Variants in TMEM101 observed in about 807,000 individuals in gnomAD.
The protein encoded by TMEM101 is transmembrane protein 101.
TMEM101 carries 14 observed loss-of-function variants against 26.0 expected under a neutral mutation model. That is an observed-to-expected ratio of 0.54 (90% CI 0.36 to 0.84). The LOEUF (loss-of-function observed/expected upper bound fraction) is 0.84, where lower values mean the gene tolerates loss of function less well. Ranked by LOEUF, TMEM101 falls within the 40% of genes least tolerant of loss-of-function variation. The pLI is 0.01. For missense variants in TMEM101, 292 were observed against 345.1 expected, an observed-to-expected ratio of 0.85 and a Z score of 1.22; for synonymous variants, 152 against 145.1, an observed-to-expected ratio of 1.05 and a Z score of -0.34.
At chr17:44,022,906 A>T (rs1056168917) in intron 1 of TMEM101, 2 of 157,224 alleles carry the variant, frequency 1.3e-5, no homozygotes, top group Non-Finnish European at 2.8e-5. Flanking sequence ...AACTAGCTTT[A>T]TCCCATGTAA....
upstream of TMEM101, among the ~76,000 whole-genome samples, chr17:44,017,719 C>T (rs1344552966): frequency 4.0e-5 from 6 of 150,398 alleles, no homozygotes; most frequent in African/African-American, 9.8e-5. Context: ...GCCAAGTTCG[C>T]GCCATTGCAC....
upstream of TMEM101, among the ~76,000 whole-genome samples, chr17:44,015,358 T>C (rs762200061): frequency 4.0e-5 from 6 of 151,564 alleles, no homozygotes; most frequent in South Asian, 4.2e-4. Flanking sequence ...TAATTACACC[T>C]ACCTCAGAGT....
rs2049208525 is a variant in TMEM101 at position 44,014,802 on chromosome 17, G to A, written c.137+14C>T. The A allele has an allele frequency of 6.4e-7, 1 of 1,560,690 alleles. No homozygotes were observed. Among genetic ancestry groups the A allele is most frequent in the Non-Finnish European group, 8.7e-7 (1 of 1,150,454 alleles). The stretch of plus-strand genomic sequence containing the variant: ...GCCCCCTGCCGCGTTTAGCGGCTGC[G>A]TAGGCCTGCTCACCGGCGTGCCTCA... On this transcript the variant is annotated intron_variant, in intron 1 of 3. Coordinates refer to ENST00000206380, the MANE Select transcript of TMEM101 (RefSeq NM_032376.4).
chr17:44,016,407 G>A (rs1309382157), upstream of TMEM101, among the ~76,000 whole-genome samples: 1 of 152,152 alleles, frequency 6.6e-6, no homozygotes, highest in Non-Finnish European at 1.5e-5. Context: ...CTAACCTCAA[G>A]CGATCCAACC....
At position 44,011,839 on chromosome 17, in the gene TMEM101, A is replaced by G; in HGVS notation, c.*89T>C. 1 of 1,348,318 alleles carries G rather than the reference A, an allele frequency of 7.4e-7. No homozygotes were observed. The highest frequency in any genetic ancestry group is 1.0e-6 in the Non-Finnish European group (1 of 988,138). 83.5% of individuals were successfully genotyped at this position (1,348,318 alleles called of 1,614,324 possible). ...AGATCAAACAAACAGACCAAAAAGCATAAATAAACAGCAGCTGGGCCAGCA... is the reference window on the plus strand; with the variant it reads ...AGATCAAACAAACAGACCAAAAAGCGTAAATAAACAGCAGCTGGGCCAGCA... On this transcript the variant is annotated 3_prime_UTR_variant, in exon 4 of 4. Coordinates refer to ENST00000206380, the MANE Select transcript of TMEM101 (RefSeq NM_032376.4).
Position 44,014,875 on chromosome 17 carries a change from G to A in TMEM101, c.78C>T (p.Cys26=). The A allele has an allele frequency of 6.2e-7, 1 of 1,613,978 alleles. No homozygotes were observed. The highest frequency in any genetic ancestry group is 8.5e-7 in the Non-Finnish European group (1 of 1,179,892). The change falls in exon 1 of 4, where the codon TGC becomes TGT. Residue 26 remains cysteine (C), a synonymous_variant. Transcript: ENST00000206380. Reference sequence around the variant, plus strand: ...GCTGGCTGAAGCAGCCCCAAAAGGGGCAGCGTGTGAGCAGCACCGAACCCA... The same window carrying A: ...GCTGGCTGAAGCAGCCCCAAAAGGGACAGCGTGTGAGCAGCACCGAACCCA... ...MQLGSVLLTR[C]PFWGCFSQLM...
upstream of TMEM101, among the ~76,000 whole-genome samples, chr17:44,017,436 C>CAAA (rs71160077): frequency 2.6e-4 from 39 of 150,416 alleles, 1 homozygote; most frequent in African/African-American, 7.6e-4. Flanking sequence ...ACTAAAAATA[C>CAAA]AAAAAAAATT....
intron 2 of TMEM101, chr17:44,021,307 A>T (rs1356961833): frequency 6.6e-6 from 1 of 152,338 alleles, no homozygotes; most frequent in East Asian, 1.9e-4. Flanking sequence ...ATCACTATCA[A>T]TTATAGCACC....
At chr17:44,017,023 C>T (rs1202185810), upstream of TMEM101, among the ~76,000 whole-genome samples, 3 of 151,778 alleles carry the variant, frequency 2.0e-5, no homozygotes, top group Admixed American at 6.6e-5. Context: ...CTACTCCGGG[C>T]GCCTGTAGTC....
intron 1 of TMEM101, chr17:44,023,004 G>A (rs1439488966): frequency 4.2e-6 from 1 of 235,478 alleles, no homozygotes; most frequent in African/African-American, 2.3e-5. Flanking sequence ...ATAGGAAGGG[G>A]AGAAGGGAAA....
At chr17:44,018,351 G>C (rs1472113875), upstream of TMEM101, among the ~76,000 whole-genome samples, 1 of 152,156 alleles carries the variant, frequency 6.6e-6, no homozygotes, top group African/African-American at 2.4e-5. Context: ...CACGAGAGAG[G>C]AACATATAGA....
At chr17:44,017,930 C>T (rs756010294), upstream of TMEM101, among the ~76,000 whole-genome samples, 14 of 151,994 alleles carry the variant, frequency 9.2e-5, no homozygotes, top group Non-Finnish European at 1.2e-4. Flanking sequence ...GCCAGAAGTT[C>T]GAGACCAGCC....
chr17:44,021,162 T>C (rs2049281009), intron 2 of TMEM101, among the ~76,000 whole-genome samples: 1 of 152,186 alleles, frequency 6.6e-6, no homozygotes, highest in East Asian at 1.9e-4. Flanking sequence ...CTATATGTTG[T>C]TTCTATTGGG....
At chr17:44,020,435 C>T (rs1165879595) in intron 2 of TMEM101, among the ~76,000 whole-genome samples, 1 of 152,158 alleles carries the variant, frequency 6.6e-6, no homozygotes, top group Non-Finnish European at 1.5e-5. Flanking sequence ...CAAGTGTTAT[C>T]CCGGGCCAGG....
upstream of TMEM101, chr17:44,015,237 A>G: frequency 3.4e-6 from 1 of 292,464 alleles, no homozygotes; most frequent in Non-Finnish European, 6.4e-6. Flanking sequence ...TGATGTATTG[A>G]AGCAAACTGG....
At chr17:44,017,903 C>T (rs532322526), upstream of TMEM101, among the ~76,000 whole-genome samples, 2 of 151,844 alleles carry the variant, frequency 1.3e-5, no homozygotes, top group African/African-American at 4.8e-5. Context: ...GGCAGAGGCA[C>T]GGGTGGATCA....
intron 1 of TMEM101, among the ~76,000 whole-genome samples, chr17:44,021,695 C>T (rs894462889): frequency 9.9e-5 from 15 of 152,206 alleles, no homozygotes; most frequent in African/African-American, 3.1e-4. Context: ...CAGCTGGCTG[C>T]TCCCACCACT....
chr17:44,013,294 G>A, intron 2 of TMEM101, 139 bp from the exon 3 acceptor site: 1 of 783,716 alleles, frequency 1.3e-6, no homozygotes, highest in Non-Finnish European at 1.8e-6. Flanking sequence ...TTGGTGGGCA[G>A]GTGCAACAGA....
chr17:44,014,346 G>A lies in TMEM101; in HGVS notation c.318+11C>T, dbSNP rs753572365. 2.7e-5 allele frequency: 41 copies of A among 1,544,124 alleles called. 1 individual carries two copies. The highest frequency in any genetic ancestry group is 3.5e-5 in the Non-Finnish European group (40 of 1,141,164). On this transcript the variant is annotated intron_variant, in intron 2 of 3. Coordinates refer to ENST00000206380, the MANE Select transcript of TMEM101 (RefSeq NM_032376.4). ...CCAGAGGGAAGACCCTTTTGGGGCC[G>A]AGGCGCTCACCTTCAGCCAGTCCCC... is the stretch of plus-strand genomic sequence containing the variant.
Sources: allele counts gnomAD v4.1 joint callset (sites outside exome capture counted in the v4.1 genomes callset), GRCh38; gene constraint gnomAD v4.1.1; transcripts MANE v1.5; gene names NCBI Gene and HGNC (gene_info 2026-07-23, HGNC 2026-07-21).